ARHGAP32: variants seen among roughly 807,000 people sequenced by gnomAD.
ARHGAP32 encodes Rho GTPase activating protein 32, also known as rho GTPase-activating protein 32.
In ARHGAP32, 51 loss-of-function variants were observed where a neutral mutation model predicts 186.5. The observed-to-expected ratio is 0.27, with a 90% CI of 0.22 to 0.35. ARHGAP32 has a LOEUF of 0.35. Among genes scored for constraint, ARHGAP32 ranks in the 10% least tolerant of loss-of-function variants. The pLI, the probability that ARHGAP32 is intolerant of heterozygous loss-of-function variation, is 1.00. For synonymous variants in ARHGAP32, 950 were observed against 964.3 expected (o/e 0.99, Z 0.27); for missense variants, 2,186 against 2,623.5 (o/e 0.83, Z 3.64).
intron 11 of ARHGAP32, among the ~76,000 whole-genome samples, chr11:129,040,477 G>C (rs576430963): frequency 6.6e-6 from 1 of 152,112 alleles, no homozygotes; most frequent in African/African-American, 2.4e-5. Flanking sequence ...ATATATTCTA[G>C]ATATTTATGC....
chr11:129,006,276 C>T (rs544464345), intron 11 of ARHGAP32, among the ~76,000 whole-genome samples: 141 of 152,204 alleles, frequency 9.3e-4, no homozygotes, highest in Non-Finnish European at 1.6e-3. Context: ...GGTCTTGATG[C>T]TTGTGGATGT....
chr11:129,065,121 G>A (rs1034474588), intron 7 of ARHGAP32, among the ~76,000 whole-genome samples, 188 bp from the exon 8 acceptor site: 1 of 152,094 alleles, frequency 6.6e-6, no homozygotes, highest in Non-Finnish European at 1.5e-5. Context: ...CCTGTCTCAT[G>A]CAGAGCTTCA....
chr11:129,251,087 G>C (rs1294986002), intron 1 of ARHGAP32, among the ~76,000 whole-genome samples: 1 of 152,178 alleles, frequency 6.6e-6, no homozygotes, highest in Non-Finnish European at 1.5e-5. Context: ...CTGGTTAAGA[G>C]AATTCTAAAA....
intron 5 of ARHGAP32, among the ~76,000 whole-genome samples, chr11:129,109,924 T>A (rs888519348): frequency 2.6e-5 from 4 of 152,174 alleles, no homozygotes. Context: ...GATTGTTTCC[T>A]AGCTGTGCAA....
intron 11 of ARHGAP32, among the ~76,000 whole-genome samples, chr11:129,004,781 T>C (rs976497108): frequency 2.0e-5 from 3 of 152,156 alleles, no homozygotes; most frequent in African/African-American, 7.2e-5. Context: ...GTGTGTTTCC[T>C]ATAGGCGACA....
chr11:129,260,754 AAT>A (rs890653717), intron 1 of ARHGAP32, among the ~76,000 whole-genome samples: 3 of 152,194 alleles, frequency 2.0e-5, no homozygotes, highest in South Asian at 2.1e-4. Flanking sequence ...AGCACAATAA[AAT>A]ATGTTACAGC....
chr11:128,974,823 C>T lies in ARHGAP32; in HGVS notation c.2374G>A (p.Ala792Thr). The T allele has an allele frequency of 6.2e-7, 1 of 1,614,092 alleles. No homozygotes were observed. The highest frequency in any genetic ancestry group is 8.5e-7 in the Non-Finnish European group (1 of 1,179,962). ...HIPALMSPHS[A>T]EDVDLSPPDI... ...GGTGGGCTCAAGTCAACATCCTCAG[C>T]TGAATGAGGAGACATAAGGGCTGGG... Residue 792 changes from alanine (A) to threonine (T), a missense_variant, in exon 21 of 23, where the codon GCT becomes ACT. Physicochemically the swap from Ala to Thr is moderately conservative, Grantham distance 58. Coordinates refer to ENST00000682385, the MANE Select transcript of ARHGAP32 (RefSeq NM_001378024.1).
chr11:128,974,601 A>G lies in ARHGAP32; in HGVS notation c.2596T>C (p.Ser866Pro). Residue 866 changes from serine to proline, a missense_variant, in exon 21 of 23, where the codon TCT becomes CCT. By Grantham distance (74) the Ser-to-Pro change is moderately conservative (BLOSUM62 -1). This residue lies in a region of ARHGAP32 where 1,502 missense variants were observed against 1,570.0 expected (regional missense o/e 0.96). Coordinates refer to ENST00000682385, the MANE Select transcript of ARHGAP32 (RefSeq NM_001378024.1). ...TCCTGAAGAGGAGAGACAGGTTCAG[A>G]GCTTGCTGTGCTTCCTGGAGTCTGA... is the stretch of plus-strand genomic sequence containing the variant. ...QCQTPGSTASSEPVSPLQEKL... is the reference protein window; with the variant it reads ...QCQTPGSTASPEPVSPLQEKL... 6.2e-7 allele frequency: 1 copy of G among 1,614,184 alleles called. No homozygotes were observed. The highest frequency in any genetic ancestry group is 8.5e-7 in the Non-Finnish European group (1 of 1,180,020).
intron 2 of ARHGAP32, 42 bp from the exon 3 acceptor site, chr11:129,124,936 T>A (rs1189040474): frequency 1.4e-6 from 2 of 1,454,412 alleles, no homozygotes; most frequent in African/African-American, 2.8e-5. Context: ...ATTACTTTAG[T>A]ATTACACTTT....
intron 6 of ARHGAP32, 121 bp downstream of exon 6, chr11:129,093,495 GTATTA>G: frequency 1.5e-6 from 1 of 686,774 alleles, no homozygotes. Context: ...TCTCATTTCA[GTATTA>G]TATAAGTATT....
Position 129,084,783 on chromosome 11 carries a change from T to G in ARHGAP32, c.531+8838A>C, listed in dbSNP as rs1490731025. 2.6e-5 allele frequency among the ~76,000 whole-genome samples: 4 copies of G among 152,208 alleles called. No homozygotes were observed. The East Asian group carries it at 7.7e-4, about 29-fold the overall frequency. Reference sequence around the variant, plus strand: ...GTTCTGTAATCAATTCTTTTCAAGATAGTATCAGAATTCCTAGCTAATACA... The same window carrying G: ...GTTCTGTAATCAATTCTTTTCAAGAGAGTATCAGAATTCCTAGCTAATACA... On this transcript the variant is annotated intron_variant, in intron 6 of 22. Coordinates refer to ENST00000682385, the MANE Select transcript of ARHGAP32 (RefSeq NM_001378024.1).
chr11:129,141,178 G>A (rs1943044536), intron 2 of ARHGAP32, among the ~76,000 whole-genome samples: 1 of 152,190 alleles, frequency 6.6e-6, no homozygotes, highest in Non-Finnish European at 1.5e-5. Flanking sequence ...GACATGATGG[G>A]AAAGGAGAAT....
At chr11:129,229,381 T>C (rs554459711) in intron 1 of ARHGAP32, among the ~76,000 whole-genome samples, 2 of 152,104 alleles carry the variant, frequency 1.3e-5, no homozygotes, top group Non-Finnish European at 2.9e-5. Context: ...ATTATATTAT[T>C]TAAATAATTT....
chr11:129,028,724 C>T (rs995040795), intron 11 of ARHGAP32, among the ~76,000 whole-genome samples: 2 of 152,122 alleles, frequency 1.3e-5, no homozygotes, highest in African/African-American at 2.4e-5. Flanking sequence ...ATTAAATTTG[C>T]ACTAGTGGAC....
chr11:129,041,322 G>C (rs1017496563), intron 10 of ARHGAP32, among the ~76,000 whole-genome samples: 1 of 151,914 alleles, frequency 6.6e-6, no homozygotes, highest in Non-Finnish European at 1.5e-5. Flanking sequence ...CATGCAAGTA[G>C]GTAAAATTTT....
At chr11:129,136,324 A>C (rs1340074964) in intron 2 of ARHGAP32, among the ~76,000 whole-genome samples, 1 of 152,164 alleles carries the variant, frequency 6.6e-6, no homozygotes, top group East Asian at 1.9e-4. Context: ...GTATAAAAAC[A>C]ACGATTACCT....
intron 2 of ARHGAP32, among the ~76,000 whole-genome samples, chr11:129,132,714 G>C (rs1399133955): frequency 1.3e-5 from 2 of 152,056 alleles, no homozygotes; most frequent in African/African-American, 4.8e-5. Context: ...TCAAAAACCA[G>C]ACAAATATGA....
chr11:129,207,553 G>T (rs2135586055), intron 1 of ARHGAP32, among the ~76,000 whole-genome samples: 1 of 151,532 alleles, frequency 6.6e-6, no homozygotes, highest in South Asian at 2.1e-4. Context: ...AAAAGTGTCT[G>T]TTCATATCCT....
chr11:129,279,222 C>G (rs1156458069), exon 1 of ARHGAP32: 7 of 106,972 alleles, frequency 6.5e-5, no homozygotes, highest in African/African-American at 2.6e-4. Flanking sequence ...CTCCGCGGGC[C>G]GGGCCCGACG....
Sources: gnomAD v4.1 joint callset for allele counts (sites outside exome capture counted in the v4.1 genomes callset) on GRCh38, gnomAD v4.1.1 for gene constraint, gnomAD v4.1.1 regional missense constraint, MANE v1.5 for transcripts, NCBI Gene and HGNC (gene_info 2026-07-23, HGNC 2026-07-21) for gene names.